Variants in PDE4D observed in about 807,000 individuals in gnomAD.
The protein encoded by PDE4D is phosphodiesterase 4D.
Under a neutral mutation model 87.4 loss-of-function variants are expected in PDE4D, and 24 were observed. The ratio of observed to expected loss-of-function variants is 0.27; its 90% confidence interval spans 0.20 to 0.39. The LOEUF (loss-of-function observed/expected upper bound fraction) is 0.39. PDE4D is among the 10% of genes least tolerant of loss of function. The probability of loss-of-function intolerance (pLI) is 1.00; values close to 1 mark genes in which losing one functional copy is unlikely to be tolerated. For missense variants in PDE4D, 714 were observed against 1,041.0 expected (o/e 0.69, Z 4.32); for synonymous variants, 384 against 383.2 (o/e 1.00, Z -0.02).
At chr5:59,807,224 G>T (rs1359654696) in intron 1 of PDE4D, among the ~76,000 whole-genome samples, 1 of 151,416 alleles carries the variant, frequency 6.6e-6, no homozygotes, top group Non-Finnish European at 1.5e-5. Context: ...AGCCTTAGAA[G>T]GCCCACTCTT....
At chr5:60,462,846 G>C (rs188600978) in intron 1 of PDE4D, among the ~76,000 whole-genome samples, 140 of 152,218 alleles carry the variant, frequency 9.2e-4, no homozygotes, top group South Asian at 1.7e-3. Context: ...GTTTGTGTTT[G>C]GTGTACCAAG....
At chr5:59,556,478 G>A (rs1818939224) in intron 1 of PDE4D, among the ~76,000 whole-genome samples, 1 of 152,144 alleles carries the variant, frequency 6.6e-6, no homozygotes, top group South Asian at 2.1e-4. Context: ...TGGGAATTCT[G>A]CTTTGCTGTG....
intron 1 of PDE4D, among the ~76,000 whole-genome samples, chr5:60,236,889 GT>G (rs1392953849): frequency 1.3e-5 from 2 of 151,942 alleles, no homozygotes; most frequent in Non-Finnish European, 2.9e-5. Context: ...TTTCAGTCTG[GT>G]GAAAACTGTG....
At chr5:59,579,915 T>C (rs988293178) in intron 1 of PDE4D, among the ~76,000 whole-genome samples, 1 of 152,220 alleles carries the variant, frequency 6.6e-6, no homozygotes, top group Non-Finnish European at 1.5e-5. Flanking sequence ...CAAATTCCTT[T>C]TAAATTTCTC....
At chr5:60,396,958 CTT>C (rs1762926768) in intron 1 of PDE4D, among the ~76,000 whole-genome samples, 1 of 152,302 alleles carries the variant, frequency 6.6e-6, no homozygotes, top group South Asian at 2.1e-4. Context: ...CATTCTGACT[CTT>C]AGCCCATTTT....
At chr5:59,291,720 TA>T (rs1768045814) in intron 1 of PDE4D, among the ~76,000 whole-genome samples, 1 of 139,852 alleles carries the variant, frequency 7.2e-6, no homozygotes, top group African/African-American at 2.7e-5. Flanking sequence ...AATTAAAAAT[TA>T]AAAAAAGTAA....
intron 1 of PDE4D, among the ~76,000 whole-genome samples, chr5:59,511,108 G>A (rs1810217888): frequency 1.3e-5 from 2 of 151,800 alleles, no homozygotes; most frequent in Non-Finnish European, 3.0e-5. Flanking sequence ...AGTAATCCCA[G>A]TTCTTAAAGA....
intron 1 of PDE4D, among the ~76,000 whole-genome samples, chr5:59,669,602 G>C (rs775681571): frequency 3.3e-5 from 5 of 152,120 alleles, no homozygotes; most frequent in African/African-American, 4.8e-5. Flanking sequence ...TCTATGGCAT[G>C]CTGGACATAA....
intron 1 of PDE4D, among the ~76,000 whole-genome samples, chr5:59,668,827 A>AGAAGAAGAAGAGGAAGAG (rs1746576895): frequency 1.3e-5 from 1 of 76,904 alleles, no homozygotes; most frequent in African/African-American, 5.9e-5. Context: ...AAGAAGAAGA[A>AGAAGAAGAAGAGGAAGAG]GAAGAGGAAG....
chr5:60,388,188 T>A (rs1762324970), intron 1 of PDE4D, among the ~76,000 whole-genome samples: 1 of 152,140 alleles, frequency 6.6e-6, no homozygotes, highest in Non-Finnish European at 1.5e-5. Flanking sequence ...CCTCTTGGGT[T>A]GTTATGGAGG....
At chr5:59,336,529 G>A (rs1235073340) in intron 1 of PDE4D, among the ~76,000 whole-genome samples, 3 of 152,190 alleles carry the variant, frequency 2.0e-5, no homozygotes, top group Non-Finnish European at 2.9e-5. Flanking sequence ...GTGAAGGCCA[G>A]GCATCTCAGG....
intron 1 of PDE4D, among the ~76,000 whole-genome samples, chr5:59,861,440 T>C (rs890206063): frequency 3.3e-5 from 5 of 152,168 alleles, no homozygotes; most frequent in African/African-American, 1.2e-4. Flanking sequence ...TAGGTAGACT[T>C]CTACTTCTAC....
intron 3 of PDE4D, among the ~76,000 whole-genome samples, chr5:59,924,564 GAAA>G (rs35983103): frequency 7.4e-6 from 1 of 134,362 alleles, no homozygotes. Flanking sequence ...ACAAAGTGTG[GAAA>G]AAAAAAAAAA....
intron 2 of PDE4D, among the ~76,000 whole-genome samples, chr5:60,093,882 G>A (rs958922615): frequency 1.3e-5 from 2 of 152,126 alleles, no homozygotes; most frequent in Middle Eastern, 3.4e-3. Flanking sequence ...GTTTATAAAC[G>A]ATTTCTGTAA....
At chr5:60,234,782 T>G (rs779763058) in intron 1 of PDE4D, among the ~76,000 whole-genome samples, 2 of 151,920 alleles carry the variant, frequency 1.3e-5, no homozygotes, top group Non-Finnish European at 2.9e-5. Context: ...AGTTTCTATC[T>G]TTCCAGAAAT....
intron 5 of PDE4D, among the ~76,000 whole-genome samples, chr5:59,064,284 T>G (rs181784510): frequency 1.3e-5 from 2 of 152,176 alleles, no homozygotes; most frequent in East Asian, 3.9e-4. Context: ...ACTGGAAATT[T>G]TTTTTATTGT....
At chr5:59,035,177 T>C (rs542611124) in intron 6 of PDE4D, among the ~76,000 whole-genome samples, 2 of 152,382 alleles carry the variant, frequency 1.3e-5, no homozygotes, top group African/African-American at 4.8e-5. Flanking sequence ...AAAAGGCACA[T>C]TGACCACTAA....
intron 1 of PDE4D, among the ~76,000 whole-genome samples, chr5:59,502,635 C>T (rs1808492649): frequency 6.7e-6 from 1 of 150,290 alleles, no homozygotes; most frequent in African/African-American, 2.5e-5. Context: ...TTATTTTCCA[C>T]TCAGATAATT....
At chr5:60,341,883 A>C (rs1758349957) in intron 1 of PDE4D, among the ~76,000 whole-genome samples, 2 of 152,170 alleles carry the variant, frequency 1.3e-5, no homozygotes. Flanking sequence ...ACCACTGTCT[A>C]ATCAACATGA....
Sources: allele counts gnomAD v4.1 joint callset (sites outside exome capture counted in the v4.1 genomes callset), GRCh38; gene constraint gnomAD v4.1.1; transcripts MANE v1.5; gene names NCBI Gene and HGNC (gene_info 2026-07-23, HGNC 2026-07-21).